Variants in MMD2 observed in about 807,000 individuals in gnomAD.
MMD2 encodes the protein monocyte to macrophage differentiation associated 2, also known as monocyte to macrophage differentiation factor 2.
Under a neutral mutation model 33.5 loss-of-function variants are expected in MMD2, and 30 were observed. The ratio of observed to expected loss-of-function variants is 0.90; its 90% CI spans 0.67 to 1.22. The LOEUF (loss-of-function observed/expected upper bound fraction) is 1.22, where lower values mean the gene tolerates loss of function less well. Among genes scored for constraint, MMD2 ranks in the 50% most tolerant of loss-of-function variants. The probability of loss-of-function intolerance (pLI) is 0.00; values close to 1 mark genes in which losing one functional copy is unlikely to be tolerated. For synonymous variants in MMD2, 129 were observed against 123.0 expected (o/e 1.05, Z -0.32); for missense variants, 364 against 325.4 (o/e 1.12, Z -0.91).
chr7:4,909,970 T>G lies in MMD2; in HGVS notation c.468-20A>C. 1 of 1,613,972 alleles carries G rather than the reference T, an allele frequency of 6.2e-7. No homozygotes were observed. Among genetic ancestry groups the G allele is most frequent in the Non-Finnish European group, 8.5e-7 (1 of 1,179,902 alleles). ...TTGTACCTGGCAGGAAGACAAGCCG[T>G]GCCGGCCTTAGGACATGCCTCCCCA... On this transcript the variant is annotated intron_variant, in intron 5 of 6. Transcript: ENST00000401401.
intron 1 of MMD2, among the ~76,000 whole-genome samples, chr7:4,958,624 G>C (rs866281835): frequency 6.6e-6 from 1 of 152,230 alleles, no homozygotes; most frequent in Non-Finnish European, 1.5e-5. Flanking sequence ...CTGGGCTCCA[G>C]GCGCTGCGCA....
intron 1 of MMD2, among the ~76,000 whole-genome samples, chr7:4,955,850 C>T (rs1365640434): frequency 6.6e-6 from 1 of 152,078 alleles, no homozygotes; most frequent in Non-Finnish European, 1.5e-5. Flanking sequence ...GTCAGGAGTT[C>T]GAGACCAGCC....
intron 5 of MMD2, among the ~76,000 whole-genome samples, chr7:4,910,281 C>T (rs576603483): frequency 1.3e-5 from 2 of 152,268 alleles, no homozygotes; most frequent in Admixed American, 6.5e-5. Flanking sequence ...CATCACTATT[C>T]GATCCTAGCA....
At position 4,925,341 on chromosome 7, in the gene MMD2, G is replaced by C. The variant is rs1224589682; in HGVS notation, c.129+110C>G. The C allele has an allele frequency of 5.0e-5, 40 of 792,814 alleles. No individual in the cohort carries two copies. The East Asian group carries it at 1.2e-3, about 23-fold the overall frequency. 49.1% of individuals were successfully genotyped at this position (792,814 alleles called of 1,614,324 possible). Reference sequence around the variant, plus strand: ...GTGGCCTTCCCTGAGGGCCACAGAAGACCCGAGGAACAGGCCACTTAGGAC... The same window carrying C: ...GTGGCCTTCCCTGAGGGCCACAGAACACCCGAGGAACAGGCCACTTAGGAC... On this transcript the variant is annotated intron_variant, in intron 2 of 6. Coordinates refer to ENST00000401401, the MANE Select transcript of MMD2 (RefSeq NM_198403.4).
At chr7:4,908,940 G>C (rs1784936826) in intron 6 of MMD2, among the ~76,000 whole-genome samples, 1 of 151,480 alleles carries the variant, frequency 6.6e-6, no homozygotes, top group Non-Finnish European at 1.5e-5. Context: ...GTTATAGTTT[G>C]CAGAGATGCA....
intron 1 of MMD2, among the ~76,000 whole-genome samples, chr7:4,957,434 G>A (rs550748275): frequency 5.3e-5 from 8 of 150,936 alleles, no homozygotes; most frequent in East Asian, 2.0e-4. Context: ...GGATCACGAC[G>A]TCAAGAGATT....
intron 2 of MMD2, 42 bp downstream of exon 2, chr7:4,925,409 G>T: frequency 7.1e-7 from 1 of 1,403,996 alleles, no homozygotes; most frequent in Non-Finnish European, 9.6e-7. Flanking sequence ...TTCCCCGGAA[G>T]TGTCCCCATC....
intron 1 of MMD2, among the ~76,000 whole-genome samples, chr7:4,957,850 G>A (rs74957485): frequency 1.7e-4 from 26 of 152,226 alleles, no homozygotes; most frequent in African/African-American, 6.0e-4. Context: ...CGTCCTGTCC[G>A]CCAGCCTTCC....
chr7:4,944,724 C>A (rs1385291279), intron 1 of MMD2, among the ~76,000 whole-genome samples: 2 of 149,102 alleles, frequency 1.3e-5, no homozygotes, highest in Non-Finnish European at 3.0e-5. Context: ...CAACAAATTC[C>A]TTTTTTTCTT....
intron 2 of MMD2, among the ~76,000 whole-genome samples, chr7:4,923,880 C>CGG (rs376772350): frequency 1.0e-3 from 156 of 152,140 alleles, no homozygotes; most frequent in African/African-American, 3.6e-3. Flanking sequence ...CTGGGCACGG[C>CGG]GGCTCATACC....
At chr7:4,908,229 C>T (rs1023805883) in intron 6 of MMD2, among the ~76,000 whole-genome samples, 4 of 151,394 alleles carry the variant, frequency 2.6e-5, no homozygotes, top group Non-Finnish European at 5.9e-5. Flanking sequence ...GCGACCTCCA[C>T]CTCCTGGGTT....
intron 1 of MMD2, among the ~76,000 whole-genome samples, chr7:4,937,459 GAAGA>G (rs1161921993): frequency 1.3e-5 from 2 of 150,986 alleles, no homozygotes; most frequent in Non-Finnish European, 3.0e-5. Context: ...AGGAAGGAAG[GAAGA>G]AAGAAAGGGA....
At chr7:4,917,680 G>A (rs1471677078) in intron 3 of MMD2, among the ~76,000 whole-genome samples, 1 of 149,466 alleles carries the variant, frequency 6.7e-6, no homozygotes, top group African/African-American at 2.5e-5. Flanking sequence ...CAACAAGAGT[G>A]AAACTCTGTC....
chr7:4,923,712 A>G (rs905231860), intron 2 of MMD2, among the ~76,000 whole-genome samples: 2 of 152,112 alleles, frequency 1.3e-5, no homozygotes, highest in Admixed American at 6.6e-5. Context: ...CTTGCAAAAG[A>G]GGGAATCATG....
intron 4 of MMD2, among the ~76,000 whole-genome samples, chr7:4,912,800 G>A (rs1452200838): frequency 2.0e-5 from 3 of 151,972 alleles, no homozygotes; most frequent in Non-Finnish European, 4.4e-5. Context: ...TCGCCTCCCG[G>A]GTTCAAGTGA....
chr7:4,905,264 G>C (rs1353808104), downstream of MMD2, among the ~76,000 whole-genome samples: 1 of 150,350 alleles, frequency 6.7e-6, no homozygotes, highest in African/African-American at 2.5e-5. The surrounding 1 kb of genome is among the most constrained non-coding windows in gnomAD (Gnocchi z 5.0). Flanking sequence ...AAGAGGAGGA[G>C]GAGGAGGAAG....
rs1013654695 is a variant in MMD2, at chr7:4,946,355, C to G, written c.47+12616G>C. Among the ~76,000 whole-genome samples, 1 of 152,150 alleles carries G rather than the reference C, an allele frequency of 6.6e-6. No homozygotes were observed. Among genetic ancestry groups the G allele is most frequent in the African/African-American group, 2.4e-5 (1 of 41,444 alleles). On this transcript the variant is annotated intron_variant, in intron 1 of 6. Transcript: ENST00000401401. The surrounding 1 kb of genome is among the most constrained non-coding windows in gnomAD (Gnocchi z 5.0). ...GGACGGATCAATTTGTTTCCCTCTG[C>G]GGCCTTTCTCTGAAAGAAATGAAAC...
chr7:4,914,750 G>A (rs1785098909), intron 4 of MMD2, among the ~76,000 whole-genome samples: 1 of 152,116 alleles, frequency 6.6e-6, no homozygotes, highest in South Asian at 2.1e-4. Context: ...GGCCAACATG[G>A]TGAAACCCCA....
downstream of MMD2, among the ~76,000 whole-genome samples, chr7:4,903,148 G>T (rs1308500499): frequency 1.3e-5 from 2 of 152,186 alleles, no homozygotes; most frequent in Non-Finnish European, 2.9e-5. Context: ...TGAGGCAGGA[G>T]AATCACTTGA....
Sources: allele counts gnomAD v4.1 joint callset (sites outside exome capture counted in the v4.1 genomes callset), GRCh38; gene constraint gnomAD v4.1.1; non-coding constraint Gnocchi (gnomAD v3.1); transcripts MANE v1.5; gene names NCBI Gene and HGNC (gene_info 2026-07-23, HGNC 2026-07-21).